The following COQ8B variants were observed in gnomAD, a reference collection of about 807,000 sequenced individuals.
COQ8B encodes the protein coenzyme Q8B, also known as atypical kinase COQ8B, mitochondrial.
Under a neutral mutation model 62.0 loss-of-function variants are expected in COQ8B, and 44 were observed. The ratio of observed to expected loss-of-function variants is 0.71; its 90% CI spans 0.56 to 0.91. The LOEUF is 0.91. Ranked by LOEUF, COQ8B falls within the 40% of genes least tolerant of loss-of-function variation. COQ8B has a pLI of 0.00. For missense variants in COQ8B, 649 were observed against 731.6 expected (o/e 0.89, Z 1.30); for synonymous variants, 252 against 289.9 (o/e 0.87, Z 1.33).
chr19:40,703,382 C>CT, intron 9 of COQ8B, 159 bp downstream of exon 9: 1 of 732,094 alleles, frequency 1.4e-6, no homozygotes, highest in Non-Finnish European at 2.2e-6. Flanking sequence ...CTCATGCTCC[C>CT]TGGGCTCTCC....
At chr19:40,715,189 C>T (rs1043433996) in intron 1 of COQ8B, 18 of 985,702 alleles carry the variant, frequency 1.8e-5, no homozygotes, top group Non-Finnish European at 2.0e-5. Flanking sequence ...GTTTCTCCAT[C>T]TGTGCGCGGG....
intron 4 of COQ8B, 23 bp downstream of exon 4, chr19:40,714,044 A>G: frequency 6.2e-7 from 1 of 1,613,806 alleles, no homozygotes; most frequent in Non-Finnish European, 8.5e-7. Flanking sequence ...GGTCACACCA[A>G]GATCCCCCAA....
At chr19:40,695,738 G>T (rs976604457) in intron 13 of COQ8B, among the ~76,000 whole-genome samples, 1 of 152,160 alleles carries the variant, frequency 6.6e-6, no homozygotes, top group African/African-American at 2.4e-5. Context: ...TACTTCATCT[G>T]GCCTAAAACG....
intron 13 of COQ8B, among the ~76,000 whole-genome samples, chr19:40,695,326 A>AAAAAAAAAAAG (rs1555755672): frequency 7.0e-6 from 1 of 141,866 alleles, no homozygotes; most frequent in Non-Finnish European, 1.5e-5. Context: ...TCAATTAAAA[A>AAAAAAAAAAAG]AAAAAAAAAG....
intron 9 of COQ8B, 135 bp downstream of exon 9, chr19:40,703,406 C>T: frequency 1.1e-6 from 1 of 913,540 alleles, no homozygotes; most frequent in Non-Finnish European, 1.6e-6. Context: ...CCTTGGTGTC[C>T]TTTCTGTCTC....
chr19:40,706,193 G>A (rs1026182087), intron 5 of COQ8B, among the ~76,000 whole-genome samples: 2 of 152,200 alleles, frequency 1.3e-5, no homozygotes, highest in African/African-American at 2.4e-5. Flanking sequence ...CACCCTTGGT[G>A]AGGGGAGTGA....
At chr19:40,713,713 C>G (rs2082161228) in intron 4 of COQ8B, among the ~76,000 whole-genome samples, 1 of 144,078 alleles carries the variant, frequency 6.9e-6, no homozygotes, top group African/African-American at 2.8e-5. Context: ...GAGACTCTGT[C>G]TCAAAGGAAA....
rs1399595671 is a variant in COQ8B, at chr19:40,703,043, C to T, written c.800-350G>A. 3.3e-5 allele frequency among the ~76,000 whole-genome samples: 5 copies of T among 152,164 alleles called. No homozygotes were observed. The South Asian group carries it at 1.0e-3, about 31-fold the overall frequency. On this transcript the variant is annotated intron_variant, in intron 9 of 14. Coordinates refer to ENST00000324464, the MANE Select transcript of COQ8B (RefSeq NM_024876.4). ...GCTCTGTCTCTTGCACATGCCTGCA[C>T]CCCAGTCCCTGGCAGCTCTTTCAGA...
chr19:40,705,716 A>G (rs1046874361), intron 5 of COQ8B, among the ~76,000 whole-genome samples: 14 of 152,306 alleles, frequency 9.2e-5, no homozygotes, highest in African/African-American at 3.4e-4. Flanking sequence ...TCAATGCAGG[A>G]GGATGGCTTG....
At chr19:40,702,863 C>T (rs114762248) in intron 9 of COQ8B, among the ~76,000 whole-genome samples, 170 bp from the exon 10 acceptor site, 1 of 152,040 alleles carries the variant, frequency 6.6e-6, no homozygotes, top group African/African-American at 2.4e-5. Context: ...CCTGCTCCTG[C>T]CTCTGACCTG....
At chr19:40,715,097 T>C (rs1434788129) in intron 1 of COQ8B, 15 of 985,734 alleles carry the variant, frequency 1.5e-5, no homozygotes, top group Non-Finnish European at 1.8e-5. Flanking sequence ...GGGGCCCTCC[T>C]GTGCTTCCGG....
At chr19:40,714,667 G>A (rs1367503821) in intron 1 of COQ8B, 32 bp from the exon 2 acceptor site, 4 of 1,536,574 alleles carry the variant, frequency 2.6e-6, no homozygotes, top group Admixed American at 2.1e-5. Flanking sequence ...TATTCAGGTG[G>A]GAGTTGCCTG....
intron 2 of COQ8B, 27 bp from the exon 3 acceptor site, chr19:40,714,424 G>C (rs770390942): frequency 6.2e-7 from 1 of 1,612,692 alleles, no homozygotes; most frequent in Admixed American, 1.7e-5. Context: ...TTGATAAGGA[G>C]GGGAGGACAT....
intron 5 of COQ8B, 119 bp from the exon 6 acceptor site, chr19:40,705,566 T>A: frequency 8.8e-7 from 1 of 1,135,460 alleles, no homozygotes; most frequent in Non-Finnish European, 1.2e-6. Flanking sequence ...AACACAGGAG[T>A]CTGAGACCAG....
chr19:40,697,875 G>GAGAGAGAGAGAGAGAGGGAC lies in COQ8B; in HGVS notation c.1144-1822_1144-1821insGTCCCTCTCTCTCTCTCTCT, dbSNP rs58313890. On this transcript the variant is annotated intron_variant, in intron 12 of 14. Coordinates refer to ENST00000324464, the MANE Select transcript of COQ8B (RefSeq NM_024876.4). ...ATAGAGAGAGAGAGAGAGAGAGAGA[G>GAGAGAGAGAGAGAGAGGGAC]AGTTTCTACTGGGCGTTCATGCAAA... Among the ~76,000 whole-genome samples, 275 of 103,342 alleles carry GAGAGAGAGAGAGAGAGGGAC rather than the reference G, an allele frequency of 2.7e-3. 8 individuals carry two copies. Among genetic ancestry groups the GAGAGAGAGAGAGAGAGGGAC allele is most frequent in the African/African-American group, 0.011 (264 of 23,544 alleles). 67.8% of individuals were successfully genotyped at this position (103,342 alleles called of 152,430 possible).
At chr19:40,708,714 G>A (rs1267941311) in intron 5 of COQ8B, among the ~76,000 whole-genome samples, 2 of 152,220 alleles carry the variant, frequency 1.3e-5, no homozygotes, top group Admixed American at 1.3e-4. Flanking sequence ...GATCACTTGA[G>A]GCTAGGAGTT....
At chr19:40,711,080 G>A (rs1025520560) in intron 4 of COQ8B, among the ~76,000 whole-genome samples, 4 of 146,380 alleles carry the variant, frequency 2.7e-5, no homozygotes, top group Non-Finnish European at 3.0e-5. Flanking sequence ...GCGGTGAGCC[G>A]AGATCACACC....
In COQ8B at chr19:40,692,382, G is replaced by C. The variant is rs1422165614; in HGVS notation, c.1297-9C>G. On this transcript the variant is annotated splice_polypyrimidine_tract_variant and intron_variant, in intron 14 of 14. Transcript: ENST00000324464. ...TGGGCGTCGGAGAATGCCTGGGAGT[G>C]GGGGTGGGGGGAGAGCAAAGGCAGC... 4 of 1,611,046 alleles carry C rather than the reference G, an allele frequency of 2.5e-6. No individual in the cohort carries two copies. Among genetic ancestry groups the C allele is most frequent in the Admixed American group, 1.7e-5 (1 of 59,892 alleles).
chr19:40,703,933 C>A (rs2082081296), intron 7 of COQ8B, 78 bp from the exon 8 acceptor site: 1 of 1,487,244 alleles, frequency 6.7e-7, no homozygotes, highest in Non-Finnish European at 9.0e-7. Context: ...GTTGATAACC[C>A]CAGCACTCAC....
Sources: gnomAD v4.1 joint callset for allele counts (sites outside exome capture counted in the v4.1 genomes callset) on GRCh38, gnomAD v4.1.1 for gene constraint, MANE v1.5 for transcripts, NCBI Gene and HGNC (gene_info 2026-07-23, HGNC 2026-07-21) for gene names.